The following ZNF789 variants were observed in gnomAD, a reference collection of about 807,000 sequenced individuals.
The protein encoded by ZNF789 is zinc finger protein 789.
ZNF789 carries 11 observed loss-of-function variants against 15.6 expected under a neutral mutation model. The observed-to-expected ratio is 0.70, with a 90% CI of 0.44 to 1.16. ZNF789 has a LOEUF of 1.16. Ranked by LOEUF, ZNF789 falls within the 50% of genes most tolerant of loss-of-function variation. The pLI is 0.00. For synonymous variants in ZNF789, 159 were observed against 176.0 expected, an observed-to-expected ratio of 0.90 and a Z score of 0.76; for missense variants, 461 against 512.6, an observed-to-expected ratio of 0.90 and a Z score of 0.97.
intron 2 of ZNF789, among the ~76,000 whole-genome samples, chr7:99,478,078 C>T (rs935373588): frequency 2.0e-5 from 3 of 152,188 alleles, no homozygotes; most frequent in Non-Finnish European, 2.9e-5. Flanking sequence ...TTAAGGGAAA[C>T]TATGTATATC....
intron 3 of ZNF789, chr7:99,480,091 C>T (rs765766009): frequency 2.2e-5 from 8 of 370,972 alleles, no homozygotes; most frequent in Non-Finnish European, 3.8e-5. Context: ...TTTGGGATTC[C>T]GAGGCGGGTG....
chr7:99,484,938 C>T (rs1242238425), intron 4 of ZNF789, among the ~76,000 whole-genome samples: 1 of 152,076 alleles, frequency 6.6e-6, no homozygotes, highest in Non-Finnish European at 1.5e-5. Flanking sequence ...AAAAAGAACT[C>T]TCACAGTTGG....
At chr7:99,474,106 C>T (rs1799168407) in intron 1 of ZNF789, among the ~76,000 whole-genome samples, 1 of 152,202 alleles carries the variant, frequency 6.6e-6, no homozygotes, top group Non-Finnish European at 1.5e-5. Context: ...TTTAATTTTT[C>T]ATTAGCAAGT....
Position 99,487,553 on chromosome 7 carries a change from C to G in ZNF789, c.*65C>G. On this transcript the variant is annotated 3_prime_UTR_variant, in exon 5 of 5. Coordinates refer to ENST00000331410, the MANE Select transcript of ZNF789 (RefSeq NM_213603.3). ...AAACCTCTACTTCAAGTGTGTATCACGTAATTGTTTCCATGAAAAGCAATA... is the reference window on the plus strand; with the variant it reads ...AAACCTCTACTTCAAGTGTGTATCAGGTAATTGTTTCCATGAAAAGCAATA... 8 of 1,512,224 alleles carry G rather than the reference C, an allele frequency of 5.3e-6. No homozygotes were observed. The highest frequency in any genetic ancestry group is 1.8e-4 in the Middle Eastern group (1 of 5,664). The allele number at this position is 1,512,224 out of a possible 1,614,324, so 93.7% of individuals were successfully genotyped here.
chr7:99,479,930 AC>A, intron 3 of ZNF789, 143 bp downstream of exon 3: 1 of 1,088,394 alleles, frequency 9.2e-7, no homozygotes, highest in Non-Finnish European at 1.3e-6. Context: ...ACAAGCCCTG[AC>A]CAGACATCAC....
intron 3 of ZNF789, among the ~76,000 whole-genome samples, chr7:99,482,578 T>C (rs1460218019): frequency 6.6e-6 from 1 of 152,010 alleles, no homozygotes; most frequent in East Asian, 1.9e-4. Flanking sequence ...GGGTCAGGCA[T>C]GGTGGCTCAT....
At chr7:99,476,274 C>G (rs991411821) in intron 1 of ZNF789, 129 bp from the exon 2 acceptor site, 76 of 581,150 alleles carry the variant, frequency 1.3e-4, no homozygotes, top group Non-Finnish European at 1.9e-4. Flanking sequence ...ATCACATGTT[C>G]CAACACCAAA....
intron 4 of ZNF789, 133 bp from the exon 5 acceptor site, chr7:99,486,341 CTT>C (rs1337607809): frequency 1.1e-6 from 1 of 934,312 alleles, no homozygotes; most frequent in African/African-American, 1.7e-5. Flanking sequence ...GTTTTGGCCT[CTT>C]GAGTCTGATG....
intron 2 of ZNF789, 86 bp downstream of exon 2, chr7:99,476,566 TG>T: frequency 1.3e-6 from 2 of 1,553,248 alleles, no homozygotes; most frequent in Non-Finnish European, 1.8e-6. Flanking sequence ...TTGATCAATG[TG>T]GGGAGTTTTC....
chr7:99,484,544 T>C (rs1409719121), intron 4 of ZNF789, among the ~76,000 whole-genome samples: 3 of 152,010 alleles, frequency 2.0e-5, no homozygotes, highest in Non-Finnish European at 4.4e-5. Flanking sequence ...CACCGGAACC[T>C]GGGAGGCAGA....
chr7:99,474,737 C>T (rs935617876), intron 1 of ZNF789, among the ~76,000 whole-genome samples: 1 of 152,080 alleles, frequency 6.6e-6, no homozygotes, highest in Non-Finnish European at 1.5e-5. Flanking sequence ...GCCTTGGAGC[C>T]ATTGATCAGG....
intron 4 of ZNF789, chr7:99,485,239 C>T (rs1412368498): frequency 2.2e-5 from 33 of 1,534,800 alleles, no homozygotes; most frequent in Non-Finnish European, 2.9e-5. Context: ...AAGGTTTCTC[C>T]TCCATGGCAC....
At position 99,478,492 on chromosome 7, in the gene ZNF789, G is replaced by A. The variant is rs978941551; in HGVS notation, c.25-1169G>A. 11 of 660,788 alleles carry A rather than the reference G, an allele frequency of 1.7e-5. No individual in the cohort carries two copies. The Admixed American group carries it at 2.1e-4, about 13-fold the overall frequency. The allele number at this position is 660,788 out of a possible 1,614,324, so 40.9% of individuals were successfully genotyped here. Reference sequence around the variant, plus strand: ...AAGCTTCTCAGGATGGTCTCAGGATGGGGGTGGGCATTTCCTGTTACTGAC... The same window carrying A: ...AAGCTTCTCAGGATGGTCTCAGGATAGGGGTGGGCATTTCCTGTTACTGAC... On this transcript the variant is annotated intron_variant, in intron 2 of 4. Transcript: ENST00000331410.
intron 1 of ZNF789, among the ~76,000 whole-genome samples, chr7:99,475,654 T>C (rs1302713911): frequency 6.6e-6 from 1 of 152,142 alleles, no homozygotes; most frequent in Non-Finnish European, 1.5e-5. Flanking sequence ...GGCTTTCTCC[T>C]GTTGGTCCTA....
intron 4 of ZNF789, chr7:99,485,400 T>C: frequency 1.5e-6 from 1 of 688,754 alleles, no homozygotes; most frequent in Non-Finnish European, 2.6e-6. Flanking sequence ...CCAGACATTG[T>C]CCAAACCCTG....
intron 4 of ZNF789, 64 bp downstream of exon 4, chr7:99,484,207 GC>G (rs1404784750): frequency 1.5e-6 from 2 of 1,332,618 alleles, no homozygotes; most frequent in African/African-American, 1.5e-5. Context: ...TGTTAGTGAA[GC>G]CCCTTCTGTG....
intron 1 of ZNF789, among the ~76,000 whole-genome samples, chr7:99,475,925 C>T (rs1378241888): frequency 1.3e-5 from 2 of 151,880 alleles, no homozygotes; most frequent in East Asian, 1.9e-4. Context: ...CTGCCTCAGC[C>T]TCCCAAGTAG....
chr7:99,476,799 C>T (rs539557186), intron 2 of ZNF789, among the ~76,000 whole-genome samples: 2 of 152,256 alleles, frequency 1.3e-5, no homozygotes, highest in South Asian at 2.1e-4. Context: ...CTCTTATTAC[C>T]GTAGTAGTTG....
intron 3 of ZNF789, chr7:99,483,651 A>G: frequency 1.3e-6 from 1 of 774,216 alleles, no homozygotes; most frequent in East Asian, 2.4e-5. Context: ...ACAATTGAAT[A>G]CAAGGATTTT....
Sources: allele counts gnomAD v4.1 joint callset (sites outside exome capture counted in the v4.1 genomes callset), GRCh38; gene constraint gnomAD v4.1.1; transcripts MANE v1.5; gene names NCBI Gene and HGNC (gene_info 2026-07-23, HGNC 2026-07-21).